Variants in SCML2 observed in about 807,000 individuals in gnomAD.
SCML2 encodes the protein sex comb on midleg-like protein 2.
Under a neutral mutation model 48.4 loss-of-function variants are expected in SCML2, and 6 were observed. The observed-to-expected ratio is 0.12, with a 90% confidence interval of 0.07 to 0.24. The LOEUF is 0.24. Among genes scored for constraint, SCML2 ranks in the 10% least tolerant of loss-of-function variants. The pLI is 1.00. For synonymous variants in SCML2, 181 were observed against 189.5 expected, an observed-to-expected ratio of 0.95 and a Z score of 0.37; for missense variants, 377 against 528.2, an observed-to-expected ratio of 0.71 and a Z score of 2.81.
chrX:18,303,111 T>C, intron 7 of SCML2, among the ~76,000 whole-genome samples: 1 of 110,681 alleles, frequency 9.0e-6, no homozygotes. Context: ...ACCACATTCG[T>C]AACAGCAGGA....
At chrX:18,343,760 CA>C (rs1196514399) in intron 1 of SCML2, among the ~76,000 whole-genome samples, 12,069 of 38,156 alleles carry the variant, frequency 0.32, 610 homozygotes, top group African/African-American at 0.41. Context: ...GACTCTGTCT[CA>C]AAAAAAAAAA....
intron 7 of SCML2, among the ~76,000 whole-genome samples, chrX:18,304,103 G>C (rs531357161): frequency 9.0e-6 from 1 of 111,363 alleles, no homozygotes; most frequent in Admixed American, 9.6e-5. Context: ...GCAGTGGCGC[G>C]ATCTCAGCTC....
At chrX:18,255,296 G>A (rs963332900) in intron 11 of SCML2, among the ~76,000 whole-genome samples, 5 of 112,005 alleles carry the variant, frequency 4.5e-5, no homozygotes, top group Non-Finnish European at 9.4e-5. Context: ...AGGAAACTGA[G>A]AACTAGAGAG....
intron 1 of SCML2, 59 bp from the exon 2 acceptor site, chrX:18,334,154 A>T (rs941824752): frequency 1.2e-6 from 1 of 858,436 alleles, no homozygotes. Context: ...CTGAAGGATA[A>T]GAAGTCAGTT....
intron 11 of SCML2, among the ~76,000 whole-genome samples, chrX:18,248,614 C>A (rs1332335193): frequency 1.8e-5 from 2 of 112,098 alleles, no homozygotes; most frequent in Admixed American, 9.5e-5. Context: ...TGATGAGCAA[C>A]CTTTAGCTCA....
chrX:18,287,714 A>T (rs1033805624), intron 7 of SCML2, among the ~76,000 whole-genome samples: 2 of 111,947 alleles, frequency 1.8e-5, no homozygotes, highest in South Asian at 7.4e-4. Flanking sequence ...CTACCCTGTT[A>T]TATAATTATA....
intron 1 of SCML2, among the ~76,000 whole-genome samples, chrX:18,337,629 G>T (rs764638546): frequency 9.0e-6 from 1 of 111,247 alleles, no homozygotes; most frequent in Non-Finnish European, 1.9e-5. Flanking sequence ...GGCAGAAACC[G>T]ATAGAACTAA....
intron 11 of SCML2, 123 bp downstream of exon 11, chrX:18,256,725 T>C (rs1453702876): frequency 5.8e-6 from 3 of 518,755 alleles, no homozygotes; most frequent in Non-Finnish European, 6.0e-6. Flanking sequence ...AACAACTATA[T>C]GTTATACATT....
chrX:18,241,069 G>T lies in SCML2; in HGVS notation c.*182C>A. ...GGGAGTGGCGGCTGTGTCTCCCAAA[G>T]CTGGTTGGTGACTCCAGGAAAAAAA... On this transcript the variant is annotated 3_prime_UTR_variant, in exon 15 of 15. Coordinates refer to ENST00000251900, the MANE Select transcript of SCML2 (RefSeq NM_006089.3). 1 of 292,160 alleles carries T rather than the reference G, an allele frequency of 3.4e-6. No homozygotes were observed. The highest frequency in any genetic ancestry group is 5.9e-6 in the Non-Finnish European group (1 of 169,232). 24.1% of individuals were successfully genotyped at this position (292,160 alleles called of 1,213,427 possible). A position where few individuals can be genotyped will look rare whatever the true frequency, so the allele number is the denominator to read the frequency against.
At chrX:18,312,710 A>G (rs1273366064) in intron 6 of SCML2, among the ~76,000 whole-genome samples, 2 of 110,603 alleles carry the variant, frequency 1.8e-5, no homozygotes, top group Non-Finnish European at 3.8e-5. Flanking sequence ...AACTAGAAAG[A>G]TAGTTTCCCC....
chrX:18,245,314 A>G (rs768031275), intron 13 of SCML2, among the ~76,000 whole-genome samples: 8 of 112,330 alleles, frequency 7.1e-5, no homozygotes, highest in African/African-American at 2.6e-4. Flanking sequence ...AGTGTTTGAC[A>G]TACATTTCAA....
At position 18,240,790 on chromosome X, in the gene SCML2, C is replaced by T. The variant is rs1569133975; in HGVS notation, c.*461G>A. 1.8e-5 allele frequency: 2 copies of T among 113,069 alleles called. No homozygotes were observed. Among genetic ancestry groups the T allele is most frequent in the Non-Finnish European group, 3.7e-5 (2 of 53,681 alleles). 9.3% of individuals were successfully genotyped at this position (113,069 alleles called of 1,213,427 possible). A position where few individuals can be genotyped will look rare whatever the true frequency, so the allele number is the denominator to read the frequency against. ...GAAAAGATGATATCTACAGGTGCACCTTTAAATTCTCTAGTGAGGAAAAAT... is the reference window on the plus strand; with the variant it reads ...GAAAAGATGATATCTACAGGTGCACTTTTAAATTCTCTAGTGAGGAAAAAT... On this transcript the variant is annotated 3_prime_UTR_variant, in exon 15 of 15. Transcript: ENST00000251900.
intron 7 of SCML2, among the ~76,000 whole-genome samples, chrX:18,290,980 C>T (rs1888318865): frequency 9.0e-6 from 1 of 111,442 alleles, no homozygotes; most frequent in African/African-American, 3.3e-5. Context: ...AAAACGGTAG[C>T]TTACAGGGCA....
intron 6 of SCML2, among the ~76,000 whole-genome samples, chrX:18,318,003 T>C (rs1225978230): frequency 9.0e-6 from 1 of 111,690 alleles, no homozygotes; most frequent in African/African-American, 3.3e-5. Flanking sequence ...GAATTACTTT[T>C]ATAATTAAAA....
At chrX:18,353,817 C>CG (rs762607544) in intron 1 of SCML2, among the ~76,000 whole-genome samples, 30 of 113,077 alleles carry the variant, frequency 2.7e-4, no homozygotes, top group African/African-American at 9.3e-4. Context: ...ATTCTCCCTC[C>CG]GGCTCTTCAC....
At chrX:18,324,769 A>C (rs1293853126) in intron 4 of SCML2, 138 bp downstream of exon 4, 20 of 447,010 alleles carry the variant, frequency 4.5e-5, no homozygotes, top group Non-Finnish European at 2.8e-5. Context: ...TAATGAATGC[A>C]AAGAGACCAT....
chrX:18,312,980 T>C lies in SCML2; in HGVS notation c.486+7352A>G, dbSNP rs1473123305. Among the ~76,000 whole-genome samples, 12 of 38,693 alleles carry C rather than the reference T, an allele frequency of 3.1e-4. No individual in the cohort carries two copies. The East Asian group carries it at 5.8e-3, about 19-fold the overall frequency. The allele number at this position is 38,693 out of a possible 115,157, so 33.6% of individuals were successfully genotyped here. A position where few individuals can be genotyped will look rare whatever the true frequency, so the allele number is the denominator to read the frequency against. On this transcript the variant is annotated intron_variant, in intron 6 of 14. Transcript: ENST00000251900. ...CGTTTGGAGCCAGAATGGGTGTGCG[T>C]GTGTGTGTGTGTGTGTGTGTGTGTG... is the stretch of plus-strand genomic sequence containing the variant.
chrX:18,272,516 A>G (rs1223257464), intron 7 of SCML2, among the ~76,000 whole-genome samples: 1 of 112,337 alleles, frequency 8.9e-6, no homozygotes, highest in Admixed American at 9.4e-5. Flanking sequence ...TCTGTTACCA[A>G]TTGCTCTTTA....
chrX:18,248,223 A>G (rs1926522907), intron 11 of SCML2, among the ~76,000 whole-genome samples: 1 of 111,913 alleles, frequency 8.9e-6, no homozygotes, highest in African/African-American at 3.2e-5. Flanking sequence ...CCCATGAGCC[A>G]GAGGAGTTAA....
Sources: gnomAD v4.1 joint callset for allele counts (sites outside exome capture counted in the v4.1 genomes callset) on GRCh38, gnomAD v4.1.1 for gene constraint, MANE v1.5 for transcripts, NCBI Gene and HGNC (gene_info 2026-07-23, HGNC 2026-07-21) for gene names.